The following PGCKA1 variants were observed in gnomAD, a reference collection of about 807,000 sequenced individuals.
The protein encoded by PGCKA1 is PDCD10 and GCKIII kinases associated 1, also known as PDCD10 and GCKIII kinases-associated protein 1.
chr4:37,571,381 T>A, the PGCKA1 span, among the ~76,000 whole-genome samples: 10 of 98,368 alleles, frequency 1.0e-4, no homozygotes, highest in Non-Finnish European at 1.4e-4. Flanking sequence ...TTTTTTTTTT[T>A]GAGACAGACC....
At chr4:37,547,920 C>A in the PGCKA1 span, among the ~76,000 whole-genome samples, 1 of 147,160 alleles carries the variant, frequency 6.8e-6, no homozygotes, top group South Asian at 2.2e-4. Flanking sequence ...ATTATGGTAA[C>A]TTCTAATCTT....
the PGCKA1 span, among the ~76,000 whole-genome samples, chr4:37,477,248 A>G: frequency 4.6e-5 from 7 of 152,240 alleles, no homozygotes; most frequent in Non-Finnish European, 1.0e-4. Flanking sequence ...ATGCTACAAC[A>G]TGAATGAACC....
the PGCKA1 span, among the ~76,000 whole-genome samples, chr4:37,547,976 T>TA: frequency 0.36 from 36,459 of 102,352 alleles, 5,106 homozygotes; most frequent in Admixed American, 0.41. Flanking sequence ...AAGTTCTCTT[T>TA]AAAAAAAAAA....
chr4:37,500,145 T>C, the PGCKA1 span, among the ~76,000 whole-genome samples: 1 of 152,072 alleles, frequency 6.6e-6, no homozygotes, highest in South Asian at 2.1e-4. Flanking sequence ...AGGATGGTCT[T>C]GATCTGCTGA....
chr4:37,573,004 T>C, the PGCKA1 span, among the ~76,000 whole-genome samples: 2 of 152,344 alleles, frequency 1.3e-5, no homozygotes, highest in East Asian at 3.9e-4. Flanking sequence ...TTCAAACATA[T>C]AGCAAAGTTG....
chr4:37,564,971 CACACACACACACAG>C, the PGCKA1 span, among the ~76,000 whole-genome samples: 1 of 150,488 alleles, frequency 6.6e-6, no homozygotes, highest in Non-Finnish European at 1.5e-5. Context: ...CACACACGTA[CACACACACACACAG>C]ACACACACAC....
At chr4:37,488,347 C>T in the PGCKA1 span, among the ~76,000 whole-genome samples, 3 of 152,094 alleles carry the variant, frequency 2.0e-5, no homozygotes, top group Non-Finnish European at 4.4e-5. Context: ...TTGTAGGCAA[C>T]TCGAGCTTGT....
At chr4:37,574,790 C>T in the PGCKA1 span, among the ~76,000 whole-genome samples, 3 of 151,802 alleles carry the variant, frequency 2.0e-5, no homozygotes, top group Non-Finnish European at 4.4e-5. Context: ...TGGTAACCAT[C>T]TATCTACTCT....
the PGCKA1 span, among the ~76,000 whole-genome samples, chr4:37,553,108 A>G: frequency 8.6e-5 from 13 of 151,296 alleles, no homozygotes; most frequent in Non-Finnish European, 1.8e-4. Flanking sequence ...CATAACGCTT[A>G]GTGCTGACTG....
the PGCKA1 span, chr4:37,591,130 C>A: frequency 1.4e-6 from 1 of 723,838 alleles, no homozygotes; most frequent in Non-Finnish European, 2.3e-6. Context: ...TTACATCCAG[C>A]ATCTGTTCTG....
chr4:37,575,165 A>G, the PGCKA1 span, among the ~76,000 whole-genome samples: 3 of 152,248 alleles, frequency 2.0e-5, no homozygotes, highest in Middle Eastern at 6.8e-3. Context: ...AGTTTCTGAG[A>G]AACCTCAAAA....
At chr4:37,488,775 T>G in the PGCKA1 span, among the ~76,000 whole-genome samples, 1 of 152,156 alleles carries the variant, frequency 6.6e-6, no homozygotes, top group African/African-American at 2.4e-5. Context: ...CCCGCTTTCC[T>G]CCGTCTTTAA....
At chr4:37,536,973 G>A in the PGCKA1 span, among the ~76,000 whole-genome samples, 1 of 152,198 alleles carries the variant, frequency 6.6e-6, no homozygotes, top group Non-Finnish European at 1.5e-5. Context: ...CCAGCTTTGG[G>A]GCAGAGTGAC....
the PGCKA1 span, among the ~76,000 whole-genome samples, chr4:37,471,358 A>G: frequency 2.0e-5 from 3 of 152,080 alleles, no homozygotes; most frequent in Non-Finnish European, 4.4e-5. Context: ...TCATTTGTTT[A>G]TATACTAAAT....
chr4:37,493,176 A>G, the PGCKA1 span, among the ~76,000 whole-genome samples: 4 of 152,290 alleles, frequency 2.6e-5, no homozygotes, highest in East Asian at 7.7e-4. Context: ...GAAGAGGCCA[A>G]ACTTGCTGAG....
chr4:37,504,080 T>C, the PGCKA1 span, among the ~76,000 whole-genome samples: 1 of 152,224 alleles, frequency 6.6e-6, no homozygotes, highest in Non-Finnish European at 1.5e-5. Flanking sequence ...CAGTTTGAGG[T>C]CTTAGATTTA....
chr4:37,479,367 T>A, the PGCKA1 span, among the ~76,000 whole-genome samples: 1 of 152,212 alleles, frequency 6.6e-6, no homozygotes, highest in Non-Finnish European at 1.5e-5. Context: ...CTTGCTCATT[T>A]TATTTTTTTT....
chr4:37,508,987 G>T, the PGCKA1 span, among the ~76,000 whole-genome samples: 2 of 150,782 alleles, frequency 1.3e-5, no homozygotes, highest in Non-Finnish European at 1.5e-5. Context: ...AGAGAGCAGG[G>T]GGTTGGGGGT....
the PGCKA1 span, among the ~76,000 whole-genome samples, chr4:37,461,362 A>G: frequency 6.6e-6 from 1 of 151,976 alleles, no homozygotes; most frequent in Admixed American, 6.5e-5. Context: ...AATAATGTCA[A>G]TGGTGGTTTG....
Sources: allele counts gnomAD v4.1 joint callset (sites outside exome capture counted in the v4.1 genomes callset), GRCh38; gene constraint gnomAD v4.1.1; transcripts MANE v1.5; gene names NCBI Gene and HGNC (gene_info 2026-07-23, HGNC 2026-07-21).